The following ALOX5 variants were observed in gnomAD, a reference collection of about 807,000 sequenced individuals.
ALOX5 encodes the protein polyunsaturated fatty acid 5-lipoxygenase.
In ALOX5, 64 loss-of-function variants were observed where a neutral mutation model predicts 87.9. That is an observed-to-expected ratio of 0.73 (90% CI 0.60 to 0.90). The LOEUF (loss-of-function observed/expected upper bound fraction) is 0.90. ALOX5 is among the 40% of genes least tolerant of loss of function. The pLI is 0.00. For missense variants in ALOX5, 822 were observed against 907.5 expected (o/e 0.91, Z 1.21); for synonymous variants, 388 against 355.1 (o/e 1.09, Z -1.04).
intron 4 of ALOX5, among the ~76,000 whole-genome samples, chr10:45,417,724 AC>A (rs1564434109): frequency 6.6e-6 from 1 of 152,022 alleles, no homozygotes; most frequent in Non-Finnish European, 1.5e-5. Flanking sequence ...ATAGGGACGC[AC>A]CCGCCCCTGC....
chr10:45,401,043 TCTA>T (rs1438808195), intron 3 of ALOX5, among the ~76,000 whole-genome samples: 1 of 152,240 alleles, frequency 6.6e-6, no homozygotes, highest in Non-Finnish European at 1.5e-5. Context: ...GTATCCAGCC[TCTA>T]CAAGTGTTTG....
intron 4 of ALOX5, among the ~76,000 whole-genome samples, chr10:45,418,168 G>A (rs1240545457): frequency 6.6e-6 from 1 of 152,160 alleles, no homozygotes; most frequent in Non-Finnish European, 1.5e-5. Context: ...TGAGTTCTGC[G>A]GGGGAGAGAA....
At chr10:45,380,426 A>G (rs886506449) in intron 1 of ALOX5, among the ~76,000 whole-genome samples, 4 of 152,224 alleles carry the variant, frequency 2.6e-5, no homozygotes, top group Non-Finnish European at 5.9e-5. Flanking sequence ...TGCTCACGGT[A>G]TTCAGAGCCA....
rs547446975 is a variant in ALOX5, at chr10:45,408,316, C to T, written c.432-3875C>T. Among the ~76,000 whole-genome samples, 8 of 152,278 alleles carry T rather than the reference C, an allele frequency of 5.3e-5. No individual in the cohort carries two copies. The South Asian group carries it at 1.2e-3, about 24-fold the overall frequency. On this transcript the variant is annotated intron_variant, in intron 3 of 13. Coordinates refer to ENST00000374391, the MANE Select transcript of ALOX5 (RefSeq NM_000698.5). Reference sequence around the variant, plus strand: ...TTGTGCATTTTAGGGAGACATAAGACATCAGTCAATACATGTAAGATGGAC... The same window carrying T: ...TTGTGCATTTTAGGGAGACATAAGATATCAGTCAATACATGTAAGATGGAC...
chr10:45,390,172 A>G (rs529243556), intron 2 of ALOX5, among the ~76,000 whole-genome samples: 1 of 152,368 alleles, frequency 6.6e-6, no homozygotes, highest in East Asian at 1.9e-4. Flanking sequence ...CCAATACAGG[A>G]GCACCCAGAT....
intron 1 of ALOX5, among the ~76,000 whole-genome samples, chr10:45,378,937 A>G (rs2132668504): frequency 6.6e-6 from 1 of 152,146 alleles, no homozygotes; most frequent in South Asian, 2.1e-4. Flanking sequence ...TAGTGATTTC[A>G]CCCCAAGTGA....
At chr10:45,444,001 T>C (rs954012717) in intron 12 of ALOX5, 115 bp from the exon 13 acceptor site, 91 of 1,435,090 alleles carry the variant, frequency 6.3e-5, no homozygotes, top group African/African-American at 6.0e-4. Flanking sequence ...GGAAAGAGGA[T>C]GGACGGACTG....
In ALOX5 at chr10:45,432,428, C is replaced by G. The variant is rs1178117132; in HGVS notation, c.981+3664C>G. On this transcript the variant is annotated intron_variant, in intron 7 of 13. Transcript: ENST00000374391. Reference sequence around the variant, plus strand: ...TTTCCTTGCTGGATTTGTAAGGTTACTGTTAAGCAGACACTGTGCTTGAAA... The same window carrying G: ...TTTCCTTGCTGGATTTGTAAGGTTAGTGTTAAGCAGACACTGTGCTTGAAA... Among the ~76,000 whole-genome samples the G allele has an allele frequency of 2.0e-5, 3 of 151,352 alleles. No homozygotes were observed. In the East Asian group the frequency reaches 5.8e-4, roughly 29 times the overall value.
chr10:45,392,664 G>A (rs1243919636), intron 2 of ALOX5, among the ~76,000 whole-genome samples: 2 of 150,632 alleles, frequency 1.3e-5, no homozygotes, highest in Non-Finnish European at 2.9e-5. Context: ...CTATGACCCT[G>A]CCAAATCCCC....
chr10:45,374,536 C>G (rs1404764599), intron 1 of ALOX5, 107 bp downstream of exon 1: 3 of 1,133,696 alleles, frequency 2.6e-6, no homozygotes, highest in African/African-American at 1.6e-5. Flanking sequence ...CGGGGCGGCC[C>G]GGACAGGACT....
intron 4 of ALOX5, among the ~76,000 whole-genome samples, chr10:45,415,488 T>G (rs1023516468): frequency 6.6e-6 from 1 of 151,746 alleles, no homozygotes; most frequent in Non-Finnish European, 1.5e-5. Flanking sequence ...TAATTAGGAG[T>G]TAATGGGTGC....
chr10:45,401,099 G>T (rs1407606698), intron 3 of ALOX5, among the ~76,000 whole-genome samples: 1 of 152,110 alleles, frequency 6.6e-6, no homozygotes, highest in African/African-American at 2.4e-5. Context: ...ATATTCTTCA[G>T]GCTTCCCCAG....
chr10:45,391,873 C>G (rs1178423951), intron 2 of ALOX5, among the ~76,000 whole-genome samples: 1 of 120,286 alleles, frequency 8.3e-6, no homozygotes, highest in Non-Finnish European at 1.9e-5. Context: ...TGAGGAGCCC[C>G]TCCGCCCGGC....
At chr10:45,431,634 G>A (rs1032951585) in intron 7 of ALOX5, among the ~76,000 whole-genome samples, 3 of 151,786 alleles carry the variant, frequency 2.0e-5, no homozygotes, top group Admixed American at 6.6e-5. Context: ...GTGCAGTGGC[G>A]TGATCTCGGC....
chr10:45,390,247 C>CT (rs1339660873), intron 2 of ALOX5, among the ~76,000 whole-genome samples: 1 of 152,184 alleles, frequency 6.6e-6, no homozygotes, highest in Admixed American at 6.5e-5. Context: ...TAATGAGAGA[C>CT]TTTAACACCC....
At position 45,428,633 on chromosome 10, in the gene ALOX5, A is replaced by G; in HGVS notation, c.850A>G (p.Ile284Val). ...CCTCCTGCAGCAAGGGAACATTTTC[A>G]TCGTGGACTTTGAGCTGCTGGATGG... The part of the protein sequence containing the change: ...EQEVQQGNIF[I>V]VDFELLDGID... Residue 284 changes from isoleucine to valine, a missense_variant, in exon 7 of 14, where the codon ATC (isoleucine) becomes GTC (valine). By Grantham distance (29) the Ile-to-Val change is conservative. Coordinates refer to ENST00000374391, the MANE Select transcript of ALOX5 (RefSeq NM_000698.5). 1 of 1,614,110 alleles carries G rather than the reference A, an allele frequency of 6.2e-7. No individual in the cohort carries two copies. Among genetic ancestry groups the G allele is most frequent in the Non-Finnish European group, 8.5e-7 (1 of 1,180,010 alleles).
chr10:45,428,546 ACT>A (rs1841807576), intron 6 of ALOX5, 70 bp from the exon 7 acceptor site: 1 of 1,580,352 alleles, frequency 6.3e-7, no homozygotes, highest in Admixed American at 1.7e-5. Flanking sequence ...AGAGGTCATC[ACT>A]CTTTCCCCAG....
At chr10:45,375,399 A>G (rs1357728045) in intron 1 of ALOX5, among the ~76,000 whole-genome samples, 1 of 152,224 alleles carries the variant, frequency 6.6e-6, no homozygotes, top group East Asian at 1.9e-4. Flanking sequence ...AGCGCTCCGT[A>G]AATGACTGGT....
At chr10:45,440,167 G>A (rs534383217) in intron 7 of ALOX5, among the ~76,000 whole-genome samples, 2 of 152,160 alleles carry the variant, frequency 1.3e-5, no homozygotes, top group African/African-American at 2.4e-5. Flanking sequence ...TGAGCCGAGC[G>A]ATCACTGTCC....
Sources: allele counts gnomAD v4.1 joint callset (sites outside exome capture counted in the v4.1 genomes callset), GRCh38; gene constraint gnomAD v4.1.1; transcripts MANE v1.5; gene names NCBI Gene and HGNC (gene_info 2026-07-23, HGNC 2026-07-21).